CA10: variants seen among roughly 807,000 people sequenced by gnomAD.
CA10 encodes the protein carbonic anhydrase 10 (inactive).
A neutral mutation model predicts 44.2 loss-of-function variants in CA10; 14 were observed. The ratio of observed to expected loss-of-function variants is 0.32; its 90% CI spans 0.21 to 0.50. The LOEUF (loss-of-function observed/expected upper bound fraction) is 0.50, where lower values mean the gene tolerates loss of function less well. Among genes scored for constraint, CA10 ranks in the 20% least tolerant of loss-of-function variants. CA10 has a pLI of 0.99. For synonymous variants in CA10, 159 were observed against 141.6 expected (o/e 1.12, Z -0.87); for missense variants, 350 against 409.7 (o/e 0.85, Z 1.26).
intron 3 of CA10, among the ~76,000 whole-genome samples, chr17:51,876,160 GTTTTTTTTTTTTT>G (rs3033579): frequency 1.7e-5 from 1 of 59,762 alleles, no homozygotes; most frequent in Non-Finnish European, 2.9e-5. Context: ...TTCTTCTCTC[GTTTTTTTTTTTTT>G]TTTTTTTTTT....
chr17:51,861,880 A>G (rs1225965344), intron 3 of CA10, among the ~76,000 whole-genome samples: 1 of 152,220 alleles, frequency 6.6e-6, no homozygotes, highest in African/African-American at 2.4e-5. Flanking sequence ...CAAAGGCTAT[A>G]TCTGAAAAGA....
chr17:52,028,843 G>A (rs1018673106), intron 2 of CA10, among the ~76,000 whole-genome samples: 1 of 152,172 alleles, frequency 6.6e-6, no homozygotes, highest in South Asian at 2.1e-4. Context: ...GTGACGATAG[G>A]ACTTTTAGGG....
intron 2 of CA10, among the ~76,000 whole-genome samples, chr17:52,044,260 T>C (rs1986847650): frequency 1.3e-5 from 2 of 152,130 alleles, no homozygotes; most frequent in African/African-American, 4.8e-5. Flanking sequence ...AGATTTTCTG[T>C]TTCTTCATGG....
chr17:52,009,939 G>A (rs1323140150), intron 2 of CA10, among the ~76,000 whole-genome samples: 2 of 151,926 alleles, frequency 1.3e-5, no homozygotes, highest in African/African-American at 4.8e-5. Context: ...AGTGGGCTAA[G>A]GACATGAATA....
chr17:51,823,833 A>T (rs149383863), intron 3 of CA10, among the ~76,000 whole-genome samples: 92 of 152,316 alleles, frequency 6.0e-4, no homozygotes, highest in African/African-American at 2.1e-3. Context: ...TAAATCATTT[A>T]TTAAGTAATT....
intron 3 of CA10, among the ~76,000 whole-genome samples, chr17:51,849,229 GTGTGTATATATATA>G (rs1567860452): frequency 2.1e-4 from 6 of 27,948 alleles, no homozygotes; most frequent in African/African-American, 8.2e-4. Flanking sequence ...ACATATATGT[GTGTGTATATATATA>G]TATATATATA....
At position 52,069,633 on chromosome 17, in the gene CA10, T is replaced by C. The variant is rs192232757; in HGVS notation, c.136+2686A>G. 9.8e-5 allele frequency among the ~76,000 whole-genome samples: 15 copies of C among 152,368 alleles called. No individual in the cohort carries two copies. In the East Asian group the frequency reaches 2.7e-3, roughly 27 times the overall value. ...CTCACCTTTGAGTAAGAATCATGTG[T>C]GAGTTACCTGTTTATTAACCGCCCA... On this transcript the variant is annotated intron_variant, in intron 2 of 8. Transcript: ENST00000451037.
intron 3 of CA10, among the ~76,000 whole-genome samples, chr17:51,829,707 C>T (rs569198483): frequency 6.6e-6 from 1 of 152,286 alleles, no homozygotes; most frequent in East Asian, 1.9e-4. Flanking sequence ...TTATAATTAT[C>T]ACCCCAGTTT....
intron 6 of CA10, among the ~76,000 whole-genome samples, chr17:51,636,600 C>T (rs1912837357): frequency 6.6e-6 from 1 of 152,144 alleles, no homozygotes; most frequent in Admixed American, 6.5e-5. Flanking sequence ...GAGATCTGGA[C>T]TCCTAGGCAT....
intron 2 of CA10, among the ~76,000 whole-genome samples, chr17:51,945,267 C>T (rs1025748425): frequency 1.3e-5 from 2 of 152,030 alleles, no homozygotes; most frequent in Non-Finnish European, 2.9e-5. Flanking sequence ...TTAGAGACGG[C>T]ATTTTATGTG....
chr17:51,672,113 AC>A (rs1914450909), intron 4 of CA10, among the ~76,000 whole-genome samples: 1 of 152,174 alleles, frequency 6.6e-6, no homozygotes, highest in Non-Finnish European at 1.5e-5. Context: ...CATGTAAAAC[AC>A]CTAGTATCCA....
chr17:52,131,765 G>A (rs886965730), intron 1 of CA10, among the ~76,000 whole-genome samples: 2 of 152,028 alleles, frequency 1.3e-5, no homozygotes, highest in African/African-American at 4.8e-5. Flanking sequence ...GTGTATTGGT[G>A]AACTAGAAAT....
At chr17:52,038,556 T>G (rs1025248209) in intron 2 of CA10, among the ~76,000 whole-genome samples, 1 of 152,156 alleles carries the variant, frequency 6.6e-6, no homozygotes, top group African/African-American at 2.4e-5. Flanking sequence ...TTAACTGATC[T>G]AGTAAATGGC....
intron 2 of CA10, among the ~76,000 whole-genome samples, chr17:51,997,613 T>C (rs1236681372): frequency 1.3e-5 from 2 of 151,978 alleles, no homozygotes. Flanking sequence ...CTTCTCACAC[T>C]CTCCAGGGGA....
Position 51,630,412 on chromosome 17 carries a change from C to CTT in CA10, c.*1170_*1171dup, listed in dbSNP as rs1434355967. 2 of 152,622 alleles carry CTT rather than the reference C, an allele frequency of 1.3e-5. No individual in the cohort carries two copies. The highest frequency in any genetic ancestry group is 2.9e-5 in the Non-Finnish European group (2 of 68,030). 9.5% of individuals were successfully genotyped at this position (152,622 alleles called of 1,614,324 possible). A position where few individuals can be genotyped will look rare whatever the true frequency, so the allele number is the denominator to read the frequency against. On this transcript the variant is annotated 3_prime_UTR_variant, in exon 9 of 9. Coordinates refer to ENST00000451037, the MANE Select transcript of CA10 (RefSeq NM_020178.5). ...AGAAAAGAAAGGCATTCGTTTTGTA[C>CTT]TTTGTGAGATCTGGCTGCACCTGGA...
chr17:51,958,438 C>A (rs531763173), intron 2 of CA10, among the ~76,000 whole-genome samples: 1 of 152,134 alleles, frequency 6.6e-6, no homozygotes, highest in African/African-American at 2.4e-5. Context: ...GATTCATTAC[C>A]TTTCCTAGAT....
intron 2 of CA10, among the ~76,000 whole-genome samples, chr17:52,017,616 A>G (rs753001230): frequency 3.9e-5 from 6 of 152,156 alleles, no homozygotes; most frequent in Non-Finnish European, 8.8e-5. Flanking sequence ...GCACATGCAA[A>G]GGCATAACTT....
intron 1 of CA10, among the ~76,000 whole-genome samples, chr17:52,073,838 C>T (rs937921807): frequency 1.3e-5 from 2 of 152,118 alleles, no homozygotes; most frequent in Non-Finnish European, 2.9e-5. Context: ...TTCTGTCCAA[C>T]CAGGGAGTCA....
intron 3 of CA10, among the ~76,000 whole-genome samples, chr17:51,815,457 C>G (rs1266334439): frequency 1.3e-5 from 2 of 152,138 alleles, no homozygotes; most frequent in Non-Finnish European, 2.9e-5. Flanking sequence ...TAGTTCTCCT[C>G]TAATTCCTGG....
Sources: allele counts gnomAD v4.1 joint callset (sites outside exome capture counted in the v4.1 genomes callset), GRCh38; gene constraint gnomAD v4.1.1; transcripts MANE v1.5; gene names NCBI Gene and HGNC (gene_info 2026-07-23, HGNC 2026-07-21).